The following ORC3 variants were observed in gnomAD, a reference collection of about 807,000 sequenced individuals.
The protein encoded by ORC3 is origin recognition complex subunit 3.
ORC3 carries 78 observed loss-of-function variants against 100.7 expected under a neutral mutation model. The observed-to-expected ratio is 0.77, with a 90% CI of 0.65 to 0.94. The LOEUF is 0.94. Among genes scored for constraint, ORC3 ranks in the 40% least tolerant of loss-of-function variants. The pLI, the probability that ORC3 is intolerant of heterozygous loss-of-function variation, is 0.00. For missense variants in ORC3, 789 were observed against 823.9 expected (o/e 0.96, Z 0.52); for synonymous variants, 295 against 289.3 (o/e 1.02, Z -0.20).
At chr6:87,596,904 G>A (rs1057181817) in intron 2 of ORC3, among the ~76,000 whole-genome samples, 1 of 152,132 alleles carries the variant, frequency 6.6e-6, no homozygotes, top group Admixed American at 6.5e-5. Flanking sequence ...TCTTCCACCA[G>A]TAAGTACCCT....
At position 87,665,787 on chromosome 6, in the gene ORC3, A is replaced by G. The variant is rs1423576659; in HGVS notation, c.1984A>G (p.Met662Val). ...FATVVTAAEK[M>V]DANSATSEEM... ...AACAGTTGTGACAGCTGCTGAAAAA[A>G]TGGATGCAAATTCTGCAACCTCAGA... The change falls in exon 19 of 20, where the codon ATG becomes GTG. Residue 662 changes from methionine to valine, a missense_variant. Physicochemically the swap from Met to Val is conservative, Grantham distance 21. This residue lies in a region of ORC3 where 366 missense variants were observed against 394.2 expected (regional missense o/e 0.93). Transcript: ENST00000392844. 4 of 1,612,718 alleles carry G rather than the reference A, an allele frequency of 2.5e-6. No homozygotes were observed. Among genetic ancestry groups the G allele is most frequent in the Non-Finnish European group, 3.4e-6 (4 of 1,178,994 alleles).
chr6:87,621,347 C>A lies in ORC3; in HGVS notation c.988-7C>A, dbSNP rs750320473. The A allele has an allele frequency of 6.0e-6, 9 of 1,506,338 alleles. No homozygotes were observed. The highest frequency in any genetic ancestry group is 2.9e-5 in the African/African-American group (2 of 69,434). The allele number at this position is 1,506,338 out of a possible 1,614,324, so 93.3% of individuals were successfully genotyped here. A position where few individuals can be genotyped will look rare whatever the true frequency, so the allele number is the denominator to read the frequency against. Reference sequence around the variant, plus strand: ...ACAAATATGTTTAATCTTCACATGTCTTTCAGCTTTCTCTATTAGAGCATT... The same window carrying A: ...ACAAATATGTTTAATCTTCACATGTATTTCAGCTTTCTCTATTAGAGCATT... On this transcript the variant is annotated splice_region_variant and splice_polypyrimidine_tract_variant and intron_variant, in intron 9 of 19. Transcript: ENST00000392844.
intron 16 of ORC3, 141 bp from the exon 17 acceptor site, chr6:87,662,862 C>T (rs1228918441): frequency 2.4e-6 from 1 of 413,350 alleles, no homozygotes; most frequent in Non-Finnish European, 3.9e-6. Flanking sequence ...ATGGTTCAGT[C>T]CTCTACAGAG....
chr6:87,633,037 C>T (rs1384795835), intron 11 of ORC3, among the ~76,000 whole-genome samples: 1 of 151,986 alleles, frequency 6.6e-6, no homozygotes, highest in African/African-American at 2.4e-5. Flanking sequence ...GCAGTATTGC[C>T]CTATAGTGGG....
intron 13 of ORC3, among the ~76,000 whole-genome samples, chr6:87,646,412 T>C (rs1768795337): frequency 6.6e-6 from 1 of 152,212 alleles, no homozygotes; most frequent in Non-Finnish European, 1.5e-5. Flanking sequence ...TTTCAAACTT[T>C]TTAGTTCTGC....
chr6:87,614,300 T>A (rs924633803), intron 8 of ORC3, among the ~76,000 whole-genome samples: 5 of 152,288 alleles, frequency 3.3e-5, no homozygotes, highest in Non-Finnish European at 5.9e-5. Flanking sequence ...ACCAATTTCC[T>A]AAGCTGCACA....
In ORC3 at chr6:87,607,667, C is replaced by T. The variant is rs759456007; in HGVS notation, c.428-6C>T. On this transcript the variant is annotated splice_polypyrimidine_tract_variant and splice_region_variant and intron_variant, in intron 5 of 19. Coordinates refer to ENST00000392844, the MANE Select transcript of ORC3 (RefSeq NM_012381.4). ...GATAAGCTTTCTTACTTTTTATATTCCACAGATATGAAACATTTTTTGCAA... is the reference window on the plus strand; with the variant it reads ...GATAAGCTTTCTTACTTTTTATATTTCACAGATATGAAACATTTTTTGCAA... The T allele has an allele frequency of 6.3e-7, 1 of 1,586,700 alleles. No individual in the cohort carries two copies. Among genetic ancestry groups the T allele is most frequent in the Admixed American group, 1.8e-5 (1 of 55,260 alleles).
At chr6:87,631,738 C>T (rs1017925437) in intron 11 of ORC3, among the ~76,000 whole-genome samples, 16 of 152,166 alleles carry the variant, frequency 1.1e-4, no homozygotes, top group African/African-American at 2.6e-4. Context: ...GTGATCCACC[C>T]GCCTCGGCCT....
chr6:87,606,055 G>A, intron 5 of ORC3, 34 bp downstream of exon 5: 4 of 1,098,114 alleles, frequency 3.6e-6, no homozygotes, highest in Non-Finnish European at 4.2e-6. Flanking sequence ...ACCTTGATGA[G>A]ATGTTACAGA....
chr6:87,616,739 C>G (rs1024946928), intron 9 of ORC3, among the ~76,000 whole-genome samples: 10 of 151,468 alleles, frequency 6.6e-5, no homozygotes, highest in Admixed American at 2.0e-4. Flanking sequence ...CTTTTTCTAC[C>G]AAGGAAATGC....
intron 13 of ORC3, among the ~76,000 whole-genome samples, chr6:87,644,865 A>G (rs1192404037): frequency 1.3e-5 from 2 of 152,000 alleles, no homozygotes. Context: ...AAAAAATTGC[A>G]TCAATAAAGT....
intron 13 of ORC3, among the ~76,000 whole-genome samples, chr6:87,649,165 T>C (rs1160744914): frequency 6.6e-6 from 1 of 152,228 alleles, no homozygotes; most frequent in Non-Finnish European, 1.5e-5. Context: ...TAAGGTGAGA[T>C]AGTGACCTGT....
intron 18 of ORC3, 71 bp from the exon 19 acceptor site, chr6:87,665,683 A>G (rs1162804917): frequency 1.2e-5 from 10 of 843,826 alleles, no homozygotes; most frequent in Non-Finnish European, 1.8e-5. Context: ...ACAGCCATTA[A>G]AAGAAGTATA....
the ORC3 span, among the ~76,000 whole-genome samples, chr6:87,677,031 T>C: frequency 6.8e-6 from 1 of 147,066 alleles, no homozygotes; most frequent in African/African-American, 2.5e-5. Context: ...GAGCCAAGAC[T>C]GCGCCACTGC....
the ORC3 span, among the ~76,000 whole-genome samples, chr6:87,674,600 GCAGT>G: frequency 2.1e-5 from 3 of 144,752 alleles, no homozygotes; most frequent in East Asian, 5.8e-4. Flanking sequence ...ATTCTATCAG[GCAGT>G]AAGTTACAGA....
intron 1 of ORC3, among the ~76,000 whole-genome samples, chr6:87,593,654 T>G (rs1204028860): frequency 6.6e-6 from 1 of 152,250 alleles, no homozygotes; most frequent in Non-Finnish European, 1.5e-5. Context: ...AAGTTTCGGG[T>G]TGGGAGAACA....
chr6:87,619,761 TTTAAG>T (rs939722118), intron 9 of ORC3, among the ~76,000 whole-genome samples: 69 of 152,306 alleles, frequency 4.5e-4, no homozygotes, highest in Admixed American at 4.5e-3. Context: ...GAAATTAAGA[TTTAAG>T]TTAAGTGGCT....
At chr6:87,610,506 C>T (rs1370949842) in intron 7 of ORC3, among the ~76,000 whole-genome samples, 1 of 151,890 alleles carries the variant, frequency 6.6e-6, no homozygotes, top group African/African-American at 2.4e-5. Flanking sequence ...CAGACATGAG[C>T]CACCACACCC....
At chr6:87,676,858 C>T in the ORC3 span, among the ~76,000 whole-genome samples, 47 of 151,072 alleles carry the variant, frequency 3.1e-4, no homozygotes, top group African/African-American at 1.1e-3. Context: ...GGGCAGATCA[C>T]GAGGTCAGGA....
Sources: allele counts gnomAD v4.1 joint callset (sites outside exome capture counted in the v4.1 genomes callset), GRCh38; gene constraint gnomAD v4.1.1; regional missense constraint gnomAD v4.1.1; transcripts MANE v1.5; gene names NCBI Gene and HGNC (gene_info 2026-07-23, HGNC 2026-07-21).